CELF2: variants seen among roughly 807,000 people sequenced by gnomAD.
The protein encoded by CELF2 is CUG triplet repeat RNA-binding protein 2.
A neutral mutation model predicts 62.6 loss-of-function variants in CELF2; 8 were observed. That is an observed-to-expected ratio of 0.13 (90% confidence interval 0.07 to 0.23). The LOEUF (loss-of-function observed/expected upper bound fraction) is 0.23. Among genes scored for constraint, CELF2 ranks in the 10% least tolerant of loss-of-function variants. The pLI is 1.00. For missense variants in CELF2, 333 were observed against 671.0 expected, an observed-to-expected ratio of 0.50 and a Z score of 5.56; for synonymous variants, 258 against 250.0, an observed-to-expected ratio of 1.03 and a Z score of -0.30.
At chr10:10,823,389 C>T (rs942798385) in intron 1 of CELF2, among the ~76,000 whole-genome samples, 2 of 152,090 alleles carry the variant, frequency 1.3e-5, no homozygotes, top group African/African-American at 4.8e-5. Flanking sequence ...TCTGGGCACT[C>T]GCAGGAATGG....
At chr10:10,766,714 C>T in the CELF2 span, among the ~76,000 whole-genome samples, 1 of 152,210 alleles carries the variant, frequency 6.6e-6, no homozygotes, top group Non-Finnish European at 1.5e-5. Flanking sequence ...GCTATGTCTG[C>T]CCTGGGGTTG....
chr10:10,628,738 C>A, the CELF2 span, among the ~76,000 whole-genome samples: 1 of 151,996 alleles, frequency 6.6e-6, no homozygotes, highest in Admixed American at 6.6e-5. Context: ...GTGAATAGTG[C>A]CGCAATAAAT....
chr10:10,739,734 C>T, the CELF2 span, among the ~76,000 whole-genome samples: 2 of 152,152 alleles, frequency 1.3e-5, no homozygotes, highest in Admixed American at 1.3e-4. Context: ...GTAACAGTTC[C>T]TTAGCCTTTC....
intron 1 of CELF2, among the ~76,000 whole-genome samples, chr10:11,106,456 T>C (rs1052444339): frequency 6.6e-6 from 1 of 152,168 alleles, no homozygotes; most frequent in African/African-American, 2.4e-5. Context: ...AGGCTGGTCT[T>C]GAACTCCTGA....
In CELF2 at chr10:10,823,204, G is replaced by A. The variant is rs117518410; in HGVS notation, c.53+24387G>A. On this transcript the variant is annotated intron_variant, in intron 1 of 13. Coordinates refer to the CELF2 transcript ENST00000636488. ...AAGAAACAGAAAAAATATAGGTATG[G>A]CCTGTACCTTCTAGTGCTCTAGTTA... Among the ~76,000 whole-genome samples the A allele has an allele frequency of 4.8e-3, 735 of 152,262 alleles. 2 individuals are homozygous for A. Among genetic ancestry groups the A allele is most frequent in the Non-Finnish European group, 8.9e-3 (603 of 68,026 alleles).
chr10:11,041,648 A>G (rs2061872417), intron 1 of CELF2, among the ~76,000 whole-genome samples: 1 of 152,236 alleles, frequency 6.6e-6, no homozygotes. Context: ...GTCAAGTTAC[A>G]TGAACTTTTC....
chr10:10,700,270 G>C, the CELF2 span, among the ~76,000 whole-genome samples: 1 of 152,186 alleles, frequency 6.6e-6, no homozygotes, highest in Non-Finnish European at 1.5e-5. Context: ...CCAGGGAAGA[G>C]GGAAAAGAAG....
At chr10:10,595,247 C>T in the CELF2 span, among the ~76,000 whole-genome samples, 7,163 of 152,246 alleles carry the variant, frequency 0.047, 564 homozygotes, top group African/African-American at 0.16. Flanking sequence ...CATGGAAAAT[C>T]TAAAGGCCTG....
chr10:10,643,299 T>C, the CELF2 span, among the ~76,000 whole-genome samples: 10 of 152,174 alleles, frequency 6.6e-5, no homozygotes, highest in African/African-American at 2.2e-4. Context: ...CAGTTGGAGA[T>C]AGTTGAATCA....
the CELF2 span, among the ~76,000 whole-genome samples, chr10:10,514,317 T>C: frequency 6.6e-6 from 1 of 152,232 alleles, no homozygotes; most frequent in Admixed American, 6.5e-5. Context: ...TTTTTTTAAA[T>C]CAGTTGGCCA....
the CELF2 span, among the ~76,000 whole-genome samples, chr10:10,495,327 T>C: frequency 6.6e-6 from 1 of 152,166 alleles, no homozygotes; most frequent in African/African-American, 2.4e-5. Flanking sequence ...AGAGTTCATA[T>C]TATGTATGGA....
rs1206887956 is a variant in CELF2, at chr10:11,005,820, C to T, written c.53+380C>T. On this transcript the variant is annotated intron_variant, in intron 1 of 12. Transcript: ENST00000416382. The surrounding 1 kb of genome is among the most constrained non-coding windows in gnomAD (Gnocchi z 4.3). ...TATGCACTCTGCATGGAATAATCACCGAAAAAGGAGCTGAGGAGACTCCAT... is the reference window on the plus strand; with the variant it reads ...TATGCACTCTGCATGGAATAATCACTGAAAAAGGAGCTGAGGAGACTCCAT... Among the ~76,000 whole-genome samples the T allele has an allele frequency of 6.6e-6, 1 of 152,120 alleles. No individual in the cohort carries two copies. Among genetic ancestry groups the T allele is most frequent in the South Asian group, 2.1e-4 (1 of 4,830 alleles).
chr10:10,650,995 C>T, the CELF2 span, among the ~76,000 whole-genome samples: 11 of 151,800 alleles, frequency 7.2e-5, no homozygotes, highest in Non-Finnish European at 1.2e-4. Context: ...AGACAGTGGG[C>T]GCAGGCCAGT....
At chr10:11,027,478 T>C (rs2059409607) in intron 1 of CELF2, among the ~76,000 whole-genome samples, 1 of 152,150 alleles carries the variant, frequency 6.6e-6, no homozygotes, top group Admixed American at 6.5e-5. Flanking sequence ...GCAAGTCGTT[T>C]TTTTTATCTT....
chr10:10,702,313 T>C, the CELF2 span, among the ~76,000 whole-genome samples: 1 of 152,178 alleles, frequency 6.6e-6, no homozygotes, highest in African/African-American at 2.4e-5. Context: ...AAGGTATGCT[T>C]CACTTCTTTC....
chr10:10,934,235 G>A lies in CELF2; in HGVS notation c.89+14236G>A, dbSNP rs77560485. 0.039 allele frequency among the ~76,000 whole-genome samples: 5,951 copies of A among 152,302 alleles called. 144 individuals are homozygous for A. The highest frequency in any genetic ancestry group is 0.061 in the Middle Eastern group (18 of 294). ...GTTAAAAATAGAATTCAAAGAGCACGTTAGCAAGGTTAATCTGATGGTAAT... is the reference window on the plus strand; with the variant it reads ...GTTAAAAATAGAATTCAAAGAGCACATTAGCAAGGTTAATCTGATGGTAAT... On this transcript the variant is annotated intron_variant, in intron 2 of 13. Transcript: ENST00000636488. The surrounding 1 kb of genome is among the most constrained non-coding windows in gnomAD (Gnocchi z 4.4).
intron 1 of CELF2, among the ~76,000 whole-genome samples, chr10:10,834,858 C>G (rs750809723): frequency 1.1e-4 from 16 of 152,168 alleles, no homozygotes; most frequent in African/African-American, 3.6e-4. Flanking sequence ...GGTGCTTGTC[C>G]GATGCTGCCT....
At chr10:10,823,504 G>A (rs1416377664) in intron 1 of CELF2, among the ~76,000 whole-genome samples, 1 of 152,096 alleles carries the variant, frequency 6.6e-6, no homozygotes, top group Non-Finnish European at 1.5e-5. Context: ...TAAACTGTAG[G>A]TGACAGAAAT....
chr10:11,300,849 T>A lies in CELF2; in HGVS notation c.976+12297T>A, dbSNP rs1208754108. 6.6e-6 allele frequency among the ~76,000 whole-genome samples: 1 copy of A among 151,756 alleles called. No individual in the cohort carries two copies. Among genetic ancestry groups the A allele is most frequent in the African/African-American group, 2.4e-5 (1 of 40,994 alleles). On this transcript the variant is annotated intron_variant, in intron 9 of 12. Transcript: ENST00000633077. The surrounding 1 kb of genome is among the most constrained non-coding windows in gnomAD (Gnocchi z 5.5). ...TTCTCCGTGTTTACAATGATTTTAT[T>A]TCCTAAACCACAAAGCCACTGTGTT...
Sources: gnomAD v4.1 joint callset for allele counts (sites outside exome capture counted in the v4.1 genomes callset) on GRCh38, gnomAD v4.1.1 for gene constraint, Gnocchi (gnomAD v3.1) non-coding constraint, MANE v1.5 for transcripts, NCBI Gene and HGNC (gene_info 2026-07-23, HGNC 2026-07-21) for gene names.